Variants in GRM5 observed in about 807,000 individuals in gnomAD.
The protein encoded by GRM5 is metabotropic glutamate receptor 5.
A neutral mutation model predicts 83.1 loss-of-function variants in GRM5; 19 were observed. That is an observed-to-expected ratio of 0.23 (90% confidence interval 0.16 to 0.34). The LOEUF (loss-of-function observed/expected upper bound fraction) is 0.34. Among genes scored for constraint, GRM5 ranks in the 10% least tolerant of loss-of-function variants. The pLI, the probability that GRM5 is intolerant of heterozygous loss-of-function variation, is 1.00. For synonymous variants in GRM5, 675 were observed against 633.6 expected (o/e 1.07, Z -0.98); for missense variants, 1,160 against 1,588.3 (o/e 0.73, Z 4.58).
chr11:89,035,655 A>C (rs1344730353), intron 2 of GRM5, among the ~76,000 whole-genome samples: 2 of 152,020 alleles, frequency 1.3e-5, no homozygotes, highest in Non-Finnish European at 2.9e-5. Flanking sequence ...TAGTATTAAT[A>C]ATATATTAAT....
intron 3 of GRM5, among the ~76,000 whole-genome samples, chr11:88,842,250 C>T (rs1424317548): frequency 2.0e-5 from 3 of 151,724 alleles, no homozygotes; most frequent in East Asian, 3.9e-4. Context: ...TGAGTTTGTC[C>T]AAATTATTGC....
At chr11:88,911,154 T>C (rs1023274922) in intron 2 of GRM5, among the ~76,000 whole-genome samples, 9 of 152,102 alleles carry the variant, frequency 5.9e-5, no homozygotes, top group Non-Finnish European at 1.3e-4. Flanking sequence ...ATATTTACCA[T>C]AGAACATCTA....
chr11:89,050,213 A>G (rs1448395334), intron 1 of GRM5, among the ~76,000 whole-genome samples: 1 of 152,230 alleles, frequency 6.6e-6, no homozygotes, highest in Non-Finnish European at 1.5e-5. Flanking sequence ...ATTTAACAAA[A>G]AATTATTAAC....
chr11:88,826,901 A>G (rs1943903616), intron 3 of GRM5, among the ~76,000 whole-genome samples: 1 of 152,200 alleles, frequency 6.6e-6, no homozygotes, highest in African/African-American at 2.4e-5. Context: ...AAACTTCAAA[A>G]ATGGAAAAGT....
At chr11:89,009,929 AAC>A (rs1555059720) in intron 2 of GRM5, among the ~76,000 whole-genome samples, 7 of 102,388 alleles carry the variant, frequency 6.8e-5, no homozygotes, top group South Asian at 4.7e-4. Context: ...AAAAAAAAAA[AAC>A]ACACACAAAA....
In GRM5 at chr11:88,725,454, G is replaced by A. The variant is rs147387651; in HGVS notation, c.912-72051C>T. On this transcript the variant is annotated intron_variant, in intron 3 of 9. Coordinates refer to ENST00000305447, the MANE Select transcript of GRM5 (RefSeq NM_001143831.3). Reference sequence around the variant, plus strand: ...CCTGGGCGAAGGGGTGACTGTGGGCGCAGCTTCAGCAGACTTAAATGTTCC... The same window carrying A: ...CCTGGGCGAAGGGGTGACTGTGGGCACAGCTTCAGCAGACTTAAATGTTCC... Among the ~76,000 whole-genome samples the A allele has an allele frequency of 7.7e-3, 1,173 of 152,266 alleles. 17 individuals are homozygous for A. The highest frequency in any genetic ancestry group is 0.027 in the African/African-American group (1,108 of 41,556).
At position 88,656,920 on chromosome 11, in the gene GRM5, T is replaced by C. The variant is rs78157092; in HGVS notation, c.912-3517A>G. Among the ~76,000 whole-genome samples, 607 of 152,236 alleles carry C rather than the reference T, an allele frequency of 4.0e-3. 3 individuals are homozygous for C. Among genetic ancestry groups the C allele is most frequent in the African/African-American group, 0.013 (560 of 41,562 alleles). On this transcript the variant is annotated intron_variant, in intron 3 of 9. Coordinates refer to ENST00000305447, the MANE Select transcript of GRM5 (RefSeq NM_001143831.3). ...TACATGTGAAAACTAAGCTACCTGG[T>C]ATAAGAGACCTGAGCATCTTTAGAT...
intron 2 of GRM5, among the ~76,000 whole-genome samples, chr11:88,865,118 T>C (rs1944640261): frequency 6.6e-6 from 1 of 151,768 alleles, no homozygotes; most frequent in African/African-American, 2.4e-5. Flanking sequence ...ACTGTGAAAA[T>C]GGCCATACTG....
At chr11:88,962,669 A>T (rs1395147607) in intron 2 of GRM5, among the ~76,000 whole-genome samples, 6 of 152,216 alleles carry the variant, frequency 3.9e-5, no homozygotes, top group Non-Finnish European at 5.9e-5. Flanking sequence ...ACTAGATACA[A>T]GGAACACTAA....
intron 8 of GRM5, among the ~76,000 whole-genome samples, chr11:88,556,482 C>T (rs1325003866): frequency 6.6e-6 from 1 of 151,842 alleles, no homozygotes; most frequent in African/African-American, 2.4e-5. Context: ...ACCATCATGC[C>T]CCGCTAATTT....
intron 8 of GRM5, among the ~76,000 whole-genome samples, chr11:88,546,527 G>A (rs1393362751): frequency 6.6e-6 from 1 of 151,930 alleles, no homozygotes. Flanking sequence ...TAAAACTTTT[G>A]TTGCAGTTTG....
chr11:88,683,730 AC>A (rs1474072966), intron 3 of GRM5, among the ~76,000 whole-genome samples: 21 of 152,384 alleles, frequency 1.4e-4, no homozygotes, highest in African/African-American at 5.0e-4. Context: ...AAATAATTTA[AC>A]AGCTAAAAAT....
intron 8 of GRM5, among the ~76,000 whole-genome samples, chr11:88,534,929 T>G (rs1942100468): frequency 6.6e-6 from 1 of 152,156 alleles, no homozygotes; most frequent in South Asian, 2.1e-4. Flanking sequence ...GGGAAACTTG[T>G]TTTGCTTGGC....
Position 88,604,965 on chromosome 11 carries a change from C to T in GRM5, c.1148-1G>A. On this transcript the variant is annotated splice_acceptor_variant, in intron 4 of 9. Transcript: ENST00000305447. LOFTEE classifies it high-confidence loss of function. The stretch of plus-strand genomic sequence containing the variant: ...TGATGTGTTTTCAGAGTCAGAGAAC[C>T]TGTTGGGAAACAAATTAAGCATAGC... The T allele has an allele frequency of 6.2e-7, 1 of 1,611,358 alleles. No individual in the cohort carries two copies. The highest frequency in any genetic ancestry group is 8.5e-7 in the Non-Finnish European group (1 of 1,177,946).
chr11:88,764,363 T>A (rs1434711517), intron 3 of GRM5, among the ~76,000 whole-genome samples: 1 of 151,680 alleles, frequency 6.6e-6, no homozygotes, highest in Non-Finnish European at 1.5e-5. Context: ...GTAACAGACA[T>A]ATACAGAAGA....
intron 3 of GRM5, among the ~76,000 whole-genome samples, chr11:88,722,457 A>G (rs1010748926): frequency 2.0e-5 from 3 of 152,120 alleles, no homozygotes; most frequent in African/African-American, 4.8e-5. Flanking sequence ...AGTGAGAGGA[A>G]TTACTTTATG....
At position 88,509,275 on chromosome 11, in the gene GRM5, C is replaced by T. The variant is rs1347264554; in HGVS notation, c.2956G>A (p.Gly986Ser). Reference protein sequence around the residue: ...ATGGAGCAGAGPGGPESPDAG... With the variant: ...ATGGAGCAGASPGGPESPDAG... ...TCTGGGGACTCGGGCCCGCCTGGGC[C>T]GGCGCCTGCGCAGCCCGCACCGCCC... Residue 986 changes from glycine (G) to serine (S), a missense_variant, in exon 10 of 10, where the codon GGC (glycine) becomes AGC (serine). Transcript: ENST00000305447. 4 of 1,466,024 alleles carry T rather than the reference C, an allele frequency of 2.7e-6. No homozygotes were observed. The highest frequency in any genetic ancestry group is 2.7e-5 in the South Asian group (2 of 74,740). The allele number at this position is 1,466,024 out of a possible 1,614,324, so 90.8% of individuals were successfully genotyped here.
intron 2 of GRM5, among the ~76,000 whole-genome samples, chr11:89,044,191 G>A (rs547598413): frequency 6.6e-6 from 1 of 152,140 alleles, no homozygotes; most frequent in Non-Finnish European, 1.5e-5. Context: ...TAAAAGAAGT[G>A]ATTTTACTTT....
rs549075488 is a variant in GRM5, at chr11:88,863,221, G to A, written c.662-13066C>T. On this transcript the variant is annotated intron_variant, in intron 2 of 9. Coordinates refer to ENST00000305447, the MANE Select transcript of GRM5 (RefSeq NM_001143831.3). ...AGTATGGCAATTCCTCAAAGGTCTA[G>A]AGTCGAAATGTCATTTGACCCAGCA... Among the ~76,000 whole-genome samples, 146 of 152,138 alleles carry A rather than the reference G, an allele frequency of 9.6e-4. No individual in the cohort carries two copies. In the Middle Eastern group the frequency reaches 0.017, roughly 18 times the overall value.
Sources: allele counts gnomAD v4.1 joint callset (sites outside exome capture counted in the v4.1 genomes callset), GRCh38; gene constraint gnomAD v4.1.1; transcripts MANE v1.5; gene names NCBI Gene and HGNC (gene_info 2026-07-23, HGNC 2026-07-21).